Variants in GSC2 observed in about 807,000 individuals in gnomAD.
The protein encoded by GSC2 is homeobox protein goosecoid-2.
A neutral mutation model predicts 11.3 loss-of-function variants in GSC2; 12 were observed. The observed-to-expected ratio is 1.06, with a 90% CI of 0.68 to 1.72. The LOEUF (loss-of-function observed/expected upper bound fraction) is 1.72. Ranked by LOEUF, GSC2 falls within the 40% of genes most tolerant of loss-of-function variation. The probability of loss-of-function intolerance (pLI) is 0.00; values close to 1 mark genes in which losing one functional copy is unlikely to be tolerated. For missense variants in GSC2, 310 were observed against 235.7 expected (o/e 1.32, Z -2.06); for synonymous variants, 148 against 110.0 (o/e 1.35, Z -2.16).
rs1473872093 is a variant in GSC2, at chr22:19,148,332, G to A, written c.*659C>T. 6.6e-6 allele frequency among the ~76,000 whole-genome samples: 1 copy of A among 152,188 alleles called. No individual in the cohort carries two copies. The highest frequency in any genetic ancestry group is 2.4e-5 in the African/African-American group (1 of 41,442). Reference sequence around the variant, plus strand: ...AAGAAGAAGGGACAGCTCCTTGTTGGGTGTGGGAGTGGAGCCAAGGTGGAC... The same window carrying A: ...AAGAAGAAGGGACAGCTCCTTGTTGAGTGTGGGAGTGGAGCCAAGGTGGAC... On this transcript the variant is annotated 3_prime_UTR_variant, in exon 3 of 3. Transcript: ENST00000086933.
In GSC2 at chr22:19,150,148, C is replaced by T. The variant is rs1379660177; in HGVS notation, c.136G>A (p.Gly46Ser). ...ARAACPPQPA[G>S]RQSPAKPEEP... The stretch of plus-strand genomic sequence containing the variant: ...TCTGGCTTCGCGGGGCTCTGGCGAC[C>T]GGCGGGCTGCGGTGGGCAGGCGGCC... The change falls in exon 1 of 3, where the codon GGT becomes AGT. Residue 46 changes from glycine to serine, a missense_variant. Gly to Ser is a moderately conservative substitution (Grantham distance 56). Coordinates refer to ENST00000086933, the MANE Select transcript of GSC2 (RefSeq NM_005315.2). The T allele has an allele frequency of 5.8e-6, 5 of 867,442 alleles. No individual in the cohort carries two copies. The highest frequency in any genetic ancestry group is 8.5e-5 in the East Asian group (1 of 11,766). The allele number at this position is 867,442 out of a possible 1,614,324, so 53.7% of individuals were successfully genotyped here.
rs1053989085 is a variant in GSC2, at chr22:19,147,320, C to T, written c.*1671G>A. 5.9e-5 allele frequency among the ~76,000 whole-genome samples: 9 copies of T among 152,180 alleles called. No homozygotes were observed. The highest frequency in any genetic ancestry group is 1.9e-4 in the African/African-American group (8 of 41,516). On this transcript the variant is annotated 3_prime_UTR_variant, in exon 3 of 3. Coordinates refer to ENST00000086933, the MANE Select transcript of GSC2 (RefSeq NM_005315.2). ...CCGGGAAGAGGGTGAAGATGAGAAG[C>T]GAGCGCCTGGGTGTGAGCGTGAAGG...
rs185793712 is a variant in GSC2, at chr22:19,148,405, A to G, written c.*586T>C. On this transcript the variant is annotated 3_prime_UTR_variant, in exon 3 of 3. Coordinates refer to ENST00000086933, the MANE Select transcript of GSC2 (RefSeq NM_005315.2). ...TGGTATTTGAAGTTGCTAGTTTCTC[A>G]GTATCAGCGCGAGGCTCGAAGGTGA... Among the ~76,000 whole-genome samples, 1 of 152,332 alleles carries G rather than the reference A, an allele frequency of 6.6e-6. No homozygotes were observed. The highest frequency in any genetic ancestry group is 2.4e-5 in the African/African-American group (1 of 41,562).
intron 2 of GSC2, 111 bp downstream of exon 2, chr22:19,149,552 G>A (rs2083814496): frequency 8.2e-7 from 1 of 1,218,494 alleles, no homozygotes; most frequent in Non-Finnish European, 1.1e-6. Flanking sequence ...GGCGCGCCAG[G>A]GCGGGGCTTG....
In GSC2 at chr22:19,148,951, CA is replaced by C; in HGVS notation, c.*39del. 7.9e-6 allele frequency: 10 copies of C among 1,265,322 alleles called. No individual in the cohort carries two copies. The highest frequency in any genetic ancestry group is 1.0e-5 in the Non-Finnish European group (9 of 892,608). 78.4% of individuals were successfully genotyped at this position (1,265,322 alleles called of 1,614,324 possible). A position where few individuals can be genotyped will look rare whatever the true frequency, so the allele number is the denominator to read the frequency against. ...CTCTCAGCGCCAACTCCAAAGATCCCAAAAAGGGTGGCCGAGCCCAGGGGCA... is the reference window on the plus strand; with the variant it reads ...CTCTCAGCGCCAACTCCAAAGATCCCAAAAGGGTGGCCGAGCCCAGGGGCA... On this transcript the variant is annotated 3_prime_UTR_variant, in exon 3 of 3. Transcript: ENST00000086933.
At position 19,148,663 on chromosome 22, in the gene GSC2, A is replaced by G; in HGVS notation, c.*328T>C. ...GGTGCGGAGAGACGCTCCACTGCGT[A>G]GGATTCTGGGTCCCGTGTTGATACG... On this transcript the variant is annotated 3_prime_UTR_variant, in exon 3 of 3. Coordinates refer to ENST00000086933, the MANE Select transcript of GSC2 (RefSeq NM_005315.2). The G allele has an allele frequency of 3.3e-6, 1 of 301,304 alleles. No homozygotes were observed. The highest frequency in any genetic ancestry group is 6.6e-5 in the South Asian group (1 of 15,168). The allele number at this position is 301,304 out of a possible 1,614,324, so 18.7% of individuals were successfully genotyped here.
chr22:19,150,127 G>T lies in GSC2; in HGVS notation c.157C>A (p.Pro53Thr). The change falls in exon 1 of 3, where the codon CCA becomes ACA. Residue 53 changes from proline (P) to threonine (T), a missense_variant. Physicochemically the swap from Pro to Thr is conservative, Grantham distance 38. Coordinates refer to ENST00000086933, the MANE Select transcript of GSC2 (RefSeq NM_005315.2). ...QPAGRQSPAK[P>T]EEPGAPEAAP... is the part of the protein sequence containing the mutation. ...GCCTCGGGCGCCCCGGGCTCCTCTG[G>T]CTTCGCGGGGCTCTGGCGACCGGCG... The T allele has an allele frequency of 1.0e-6, 1 of 967,468 alleles. No individual in the cohort carries two copies. The highest frequency in any genetic ancestry group is 1.2e-6 in the Non-Finnish European group (1 of 806,762). 59.9% of individuals were successfully genotyped at this position (967,468 alleles called of 1,614,324 possible). A position where few individuals can be genotyped will look rare whatever the true frequency, so the allele number is the denominator to read the frequency against.
In GSC2 at chr22:19,150,046, G is replaced by A; in HGVS notation, c.238C>T (p.Pro80Ser). 1 of 1,005,228 alleles carries A rather than the reference G, an allele frequency of 9.9e-7. No homozygotes were observed. Among genetic ancestry groups the A allele is most frequent in the Non-Finnish European group, 1.2e-6 (1 of 844,750 alleles). The allele number at this position is 1,005,228 out of a possible 1,614,324, so 62.3% of individuals were successfully genotyped here. A position where few individuals can be genotyped will look rare whatever the true frequency, so the allele number is the denominator to read the frequency against. Residue 80 changes from proline (P) to serine (S), a missense_variant, in exon 1 of 3, where the codon CCA (proline) becomes TCA (serine). Pro to Ser is a moderately conservative substitution (Grantham distance 74). Coordinates refer to ENST00000086933, the MANE Select transcript of GSC2 (RefSeq NM_005315.2). ...TCACCCAGCCCGGCGGCCGCCTCTG[G>A]GGGCCCGCAGGGCGCCGCGCGGGGG... Reference protein sequence around the residue: ...CGPRAAPCGPPEAAAGLGARL... With the variant: ...CGPRAAPCGPSEAAAGLGARL...
rs2083796724 is a variant in GSC2, at chr22:19,147,151, C to G, written c.*1840G>C. Among the ~76,000 whole-genome samples, 2 of 152,292 alleles carry G rather than the reference C, an allele frequency of 1.3e-5. No homozygotes were observed. Among genetic ancestry groups the G allele is most frequent in the South Asian group, 4.1e-4 (2 of 4,832 alleles). On this transcript the variant is annotated 3_prime_UTR_variant, in exon 3 of 3. Coordinates refer to ENST00000086933, the MANE Select transcript of GSC2 (RefSeq NM_005315.2). ...CATGTGCCTGGTTTGCACAGAAGAG[C>G]TCACTGTGGACAAGGTGACCTTAAG...
Position 19,149,864 on chromosome 22 carries a change from C to CAG in GSC2, c.310_311dup (p.Gly105TrpfsTer50). On this transcript the variant is annotated frameshift_variant, in exon 2 of 3. Transcript: ENST00000086933. LOFTEE classifies it high-confidence loss of function. ...CCCCGGAACCTCCGGCTGGCGCACC[C>CAG]AGAGACAAGGGCACCGCCGGTCCCA... 1.3e-6 allele frequency: 2 copies of CAG among 1,492,252 alleles called. No homozygotes were observed. Among genetic ancestry groups the CAG allele is most frequent in the South Asian group, 2.5e-5 (2 of 79,230 alleles). 92.4% of individuals were successfully genotyped at this position (1,492,252 alleles called of 1,614,324 possible).
At position 19,148,942 on chromosome 22, in the gene GSC2, C is replaced by T. The variant is rs2083808440; in HGVS notation, c.*49G>A. ...ACCTGTCTTCTCTCAGCGCCAACTC[C>T]AAAGATCCCAAAAAGGGTGGCCGAG... On this transcript the variant is annotated 3_prime_UTR_variant, in exon 3 of 3. Transcript: ENST00000086933. 1 of 1,168,136 alleles carries T rather than the reference C, an allele frequency of 8.6e-7. No individual in the cohort carries two copies. Among genetic ancestry groups the T allele is most frequent in the African/African-American group, 1.5e-5 (1 of 64,536 alleles). 72.4% of individuals were successfully genotyped at this position (1,168,136 alleles called of 1,614,324 possible).
In GSC2 at chr22:19,149,069, T is replaced by A. The variant is rs1569119498; in HGVS notation, c.540A>T (p.Lys180Asn). The stretch of plus-strand genomic sequence containing the variant: ...CCGACGCGCGCTTCTGGTGTCGCCA[T>A]TTGGCCCGGCGGTTCTTGAACCAGA... ...VEVWFKNRRA[K>N]WRHQKRASAS... is the part of the protein sequence containing the mutation. Residue 180 changes from lysine to asparagine, a missense_variant, in exon 3 of 3, where the codon AAA becomes AAT. Physicochemically the swap from Lys to Asn is moderately conservative, Grantham distance 94. Coordinates refer to ENST00000086933, the MANE Select transcript of GSC2 (RefSeq NM_005315.2). The A allele has an allele frequency of 1.3e-6, 2 of 1,596,118 alleles. No individual in the cohort carries two copies. The highest frequency in any genetic ancestry group is 2.3e-5 in the South Asian group (2 of 88,386).
chr22:19,148,813 C>T lies in GSC2; in HGVS notation c.*178G>A, dbSNP rs572194001. On this transcript the variant is annotated 3_prime_UTR_variant, in exon 3 of 3. Coordinates refer to ENST00000086933, the MANE Select transcript of GSC2 (RefSeq NM_005315.2). Reference sequence around the variant, plus strand: ...CCCACTGCCGTGGAACACCAAGCACCGGGGGCCCGTCCCCAGCGCCACGGC... The same window carrying T: ...CCCACTGCCGTGGAACACCAAGCACTGGGGGCCCGTCCCCAGCGCCACGGC... 3.7e-6 allele frequency: 2 copies of T among 543,924 alleles called. No homozygotes were observed. Among genetic ancestry groups the T allele is most frequent in the Admixed American group, 3.5e-5 (1 of 28,684 alleles). The allele number at this position is 543,924 out of a possible 1,614,324, so 33.7% of individuals were successfully genotyped here. A position where few individuals can be genotyped will look rare whatever the true frequency, so the allele number is the denominator to read the frequency against.
In GSC2 at chr22:19,148,690, G is replaced by C. The variant is rs2071339; in HGVS notation, c.*301C>G. 1 of 373,006 alleles carries C rather than the reference G, an allele frequency of 2.7e-6. No individual in the cohort carries two copies. Among genetic ancestry groups the C allele is most frequent in the Non-Finnish European group, 4.8e-6 (1 of 206,342 alleles). 23.1% of individuals were successfully genotyped at this position (373,006 alleles called of 1,614,324 possible). A position where few individuals can be genotyped will look rare whatever the true frequency, so the allele number is the denominator to read the frequency against. ...GATTCTGGGTCCCGTGTTGATACGGGGTGGTTCCCCTCCTGCGGTGGAGTT... is the reference window on the plus strand; with the variant it reads ...GATTCTGGGTCCCGTGTTGATACGGCGTGGTTCCCCTCCTGCGGTGGAGTT... On this transcript the variant is annotated 3_prime_UTR_variant, in exon 3 of 3. Transcript: ENST00000086933.
At position 19,149,660 on chromosome 22, in the gene GSC2, C is replaced by G; in HGVS notation, c.513+3G>C. 6.5e-7 allele frequency: 1 copy of G among 1,536,260 alleles called. No individual in the cohort carries two copies. The highest frequency in any genetic ancestry group is 8.7e-7 in the Non-Finnish European group (1 of 1,146,196). ...CCGGGGAAAGGCTGGGCGGGGCACT[C>G]ACCTCCACGCGCTCCTCGCGAAGGC... is the stretch of plus-strand genomic sequence containing the variant. On this transcript the variant is annotated splice_donor_region_variant and intron_variant, in intron 2 of 2. Transcript: ENST00000086933.
chr22:19,147,321 G>A lies in GSC2; in HGVS notation c.*1670C>T, dbSNP rs1276835023. 4.6e-5 allele frequency among the ~76,000 whole-genome samples: 7 copies of A among 152,076 alleles called. No individual in the cohort carries two copies. The highest frequency in any genetic ancestry group is 3.9e-4 in the East Asian group (2 of 5,190). ...CGGGAAGAGGGTGAAGATGAGAAGC[G>A]AGCGCCTGGGTGTGAGCGTGAAGGA... is the stretch of plus-strand genomic sequence containing the variant. On this transcript the variant is annotated 3_prime_UTR_variant, in exon 3 of 3. Coordinates refer to ENST00000086933, the MANE Select transcript of GSC2 (RefSeq NM_005315.2).
At position 19,150,238 on chromosome 22, in the gene GSC2, G is replaced by A; in HGVS notation, c.46C>T (p.Arg16Trp). The change falls in exon 1 of 3, where the codon CGG (arginine) becomes TGG (tryptophan). Residue 16 changes from arginine to tryptophan, a missense_variant. Physicochemically the swap from Arg to Trp is moderately radical, Grantham distance 101. Coordinates refer to ENST00000086933, the MANE Select transcript of GSC2 (RefSeq NM_005315.2). Reference sequence around the variant, plus strand: ...TGCTCGATGGAGAAGGGGCAGGGCCGCCCGGCACCCCGGCGGCTCGCCGCG... The same window carrying A: ...TGCTCGATGGAGAAGGGGCAGGGCCACCCGGCACCCCGGCGGCTCGCCGCG... ...GGAASRRGAG[R>W]PCPFSIEHIL... 2 of 278,184 alleles carry A rather than the reference G, an allele frequency of 7.2e-6. No homozygotes were observed. Among genetic ancestry groups the A allele is most frequent in the Non-Finnish European group, 1.2e-5 (2 of 164,498 alleles). The allele number at this position is 278,184 out of a possible 1,614,324, so 17.2% of individuals were successfully genotyped here. A position where few individuals can be genotyped will look rare whatever the true frequency, so the allele number is the denominator to read the frequency against.
chr22:19,148,726 G>T lies in GSC2; in HGVS notation c.*265C>A. The T allele has an allele frequency of 2.3e-6, 1 of 443,652 alleles. No individual in the cohort carries two copies. The highest frequency in any genetic ancestry group is 4.2e-5 in the Admixed American group (1 of 23,922). The allele number at this position is 443,652 out of a possible 1,614,324, so 27.5% of individuals were successfully genotyped here. Reference sequence around the variant, plus strand: ...TCCTGCGGTGGAGTTAGTGTCTCTCGGGGGGTAGGGAGCTGAGGAAACTGC... The same window carrying T: ...TCCTGCGGTGGAGTTAGTGTCTCTCTGGGGGTAGGGAGCTGAGGAAACTGC... On this transcript the variant is annotated 3_prime_UTR_variant, in exon 3 of 3. Coordinates refer to ENST00000086933, the MANE Select transcript of GSC2 (RefSeq NM_005315.2).
intron 2 of GSC2, 72 bp downstream of exon 2, chr22:19,149,591 C>T: frequency 7.2e-7 from 1 of 1,394,694 alleles, no homozygotes; most frequent in Non-Finnish European, 9.3e-7. Context: ...AAAGGGCGCC[C>T]GCCCGCCAGG....
Sources: allele counts gnomAD v4.1 joint callset (sites outside exome capture counted in the v4.1 genomes callset), GRCh38; gene constraint gnomAD v4.1.1; transcripts MANE v1.5; gene names NCBI Gene and HGNC (gene_info 2026-07-23, HGNC 2026-07-21).